Variants in LRTM2 observed in about 807,000 individuals in gnomAD.
LRTM2 encodes the protein leucine-rich repeat and transmembrane domain-containing protein 2.
In LRTM2, 18 loss-of-function variants were observed where a neutral mutation model predicts 28.1. The observed-to-expected ratio is 0.64, with a 90% confidence interval of 0.44 to 0.95. The LOEUF (loss-of-function observed/expected upper bound fraction) is 0.95, where lower values mean the gene tolerates loss of function less well. Among genes scored for constraint, LRTM2 ranks in the 40% least tolerant of loss-of-function variants. The probability of loss-of-function intolerance (pLI) is 0.00; values close to 1 mark genes in which losing one functional copy is unlikely to be tolerated. For synonymous variants in LRTM2, 250 were observed against 218.7 expected (o/e 1.14, Z -1.26); for missense variants, 436 against 497.2 (o/e 0.88, Z 1.17).
At chr12:1,824,747 C>G (rs1001985147) in intron 1 of LRTM2, among the ~76,000 whole-genome samples, 1 of 152,212 alleles carries the variant, frequency 6.6e-6, no homozygotes, top group Non-Finnish European at 1.5e-5. Context: ...TAAGGAGGCT[C>G]CACTCTTCTG....
chr12:1,827,133 C>A (rs1864368808), intron 1 of LRTM2, among the ~76,000 whole-genome samples: 1 of 151,620 alleles, frequency 6.6e-6, no homozygotes, highest in South Asian at 2.1e-4. Context: ...TCCCTCCCTG[C>A]CCATCCCCGC....
At position 1,820,934 on chromosome 12, in the gene LRTM2, A is replaced by C. The variant is rs1353713774; in HGVS notation, c.-259+120A>C. 1 of 152,156 alleles carries C rather than the reference A, an allele frequency of 6.6e-6. No individual in the cohort carries two copies. Among genetic ancestry groups the C allele is most frequent in the African/African-American group, 2.4e-5 (1 of 41,396 alleles). 9.4% of individuals were successfully genotyped at this position (152,156 alleles called of 1,614,324 possible). A position where few individuals can be genotyped will look rare whatever the true frequency, so the allele number is the denominator to read the frequency against. ...GCAGGAATAGCTGCAGTTGCTTCCT[A>C]CCTGCAGGCAATTGCTGGGGCCGAA... is the stretch of plus-strand genomic sequence containing the variant. On this transcript the variant is annotated intron_variant, in intron 1 of 4. Coordinates refer to ENST00000299194, the MANE Select transcript of LRTM2 (RefSeq NM_001039029.3). The surrounding 1 kb of genome is among the most constrained non-coding windows in gnomAD (Gnocchi z 6.0).
rs1270775302 is a variant in LRTM2 at position 1,833,050 on chromosome 12, T to C, written c.659-1217T>C. ...TAGGCCGGGTGTCTTCAGACCCTCC[T>C]CTCCTGTGGTCGCCGGGAACTGAAT... On this transcript the variant is annotated intron_variant, in intron 4 of 4. Transcript: ENST00000299194. The surrounding 1 kb of genome is among the most constrained non-coding windows in gnomAD (Gnocchi z 4.2). Among the ~76,000 whole-genome samples the C allele has an allele frequency of 6.6e-6, 1 of 151,984 alleles. No homozygotes were observed. Among genetic ancestry groups the C allele is most frequent in the African/African-American group, 2.4e-5 (1 of 41,354 alleles).
chr12:1,831,254 G>A lies in LRTM2; in HGVS notation c.387G>A (p.Arg129=). ...TTCAGCTGCGCAATAACAGCATCAG[G>A]ACCCTGGACAGGGACCTGCTGCGGC... ...TELQLRNNSI[R]TLDRDLLRHS... The change falls in exon 4 of 5, where the codon AGG becomes AGA. Residue 129 remains arginine (R), a synonymous_variant. Transcript: ENST00000299194. 1.9e-6 allele frequency: 3 copies of A among 1,613,742 alleles called. No homozygotes were observed. Among genetic ancestry groups the A allele is most frequent in the Non-Finnish European group, 2.5e-6 (3 of 1,180,042 alleles).
intron 1 of LRTM2, among the ~76,000 whole-genome samples, chr12:1,824,346 C>A (rs1864231336): frequency 6.6e-6 from 1 of 152,208 alleles, no homozygotes; most frequent in South Asian, 2.1e-4. Flanking sequence ...CAAGCTAGAC[C>A]AATGCCGCTG....
At chr12:1,824,672 C>T (rs1014621450) in intron 1 of LRTM2, among the ~76,000 whole-genome samples, 1 of 152,232 alleles carries the variant, frequency 6.6e-6, no homozygotes, top group Non-Finnish European at 1.5e-5. Context: ...TTCATTTCAG[C>T]AGCTGTCAGT....
chr12:1,825,223 G>A (rs559287795), intron 1 of LRTM2, among the ~76,000 whole-genome samples: 13 of 152,224 alleles, frequency 8.5e-5, no homozygotes, highest in Admixed American at 3.9e-4. Context: ...CACAGTGTGG[G>A]AGACACTGAG....
At chr12:1,825,427 G>A (rs1864273769) in intron 1 of LRTM2, among the ~76,000 whole-genome samples, 1 of 152,232 alleles carries the variant, frequency 6.6e-6, no homozygotes, top group African/African-American at 2.4e-5. Context: ...CAGAGGAGGT[G>A]TCTTATGGGT....
At chr12:1,821,354 G>T in intron 1 of LRTM2, among the ~76,000 whole-genome samples, 1 of 152,202 alleles carries the variant, frequency 6.6e-6, no homozygotes, top group East Asian at 1.9e-4. Context: ...CTTGCCTGCA[G>T]GTGGCTGTCC....
chr12:1,834,943 T>A lies in LRTM2; in HGVS notation c.*222T>A. ...CTGCTGATGCTCCTGTCTGGGCCAG[T>A]AAATCTTTGGAACATGTGGGGGATC... On this transcript the variant is annotated 3_prime_UTR_variant, in exon 5 of 5. Coordinates refer to ENST00000299194, the MANE Select transcript of LRTM2 (RefSeq NM_001039029.3). This position sits in a 1 kb window ranked among gnomAD's most constrained non-coding sequence, Gnocchi z 7.6. 1 of 799,288 alleles carries A rather than the reference T, an allele frequency of 1.3e-6. No individual in the cohort carries two copies. The highest frequency in any genetic ancestry group is 1.9e-6 in the Non-Finnish European group (1 of 531,512). 49.5% of individuals were successfully genotyped at this position (799,288 alleles called of 1,614,324 possible).
chr12:1,823,433 T>C (rs1029707336), intron 1 of LRTM2, among the ~76,000 whole-genome samples: 1 of 152,106 alleles, frequency 6.6e-6, no homozygotes, highest in Non-Finnish European at 1.5e-5. Flanking sequence ...TGTTCCGTGC[T>C]CTGAGGGGGC....
Position 1,831,107 on chromosome 12 carries a change from G to A in LRTM2, c.240G>A (p.Leu80=), listed in dbSNP as rs1202549926. The A allele has an allele frequency of 6.2e-7, 1 of 1,613,878 alleles. No individual in the cohort carries two copies. The highest frequency in any genetic ancestry group is 1.3e-5 in the African/African-American group (1 of 74,942). ...TRTLLLLNNK[L]SALPSWAFAN... is the part of the protein sequence containing the mutation. ...CCCTCTTGCTCTTGAACAATAAGCT[G>A]AGTGCCCTGCCAAGCTGGGCTTTCG... is the stretch of plus-strand genomic sequence containing the variant. The change falls in exon 4 of 5, where the codon CTG becomes CTA. Residue 80 remains leucine (L), a synonymous_variant. Transcript: ENST00000299194.
rs1482744688 is a variant in LRTM2, at chr12:1,828,377, A to G, written c.67+162A>G. 6.6e-6 allele frequency among the ~76,000 whole-genome samples: 1 copy of G among 152,238 alleles called. No homozygotes were observed. Among genetic ancestry groups the G allele is most frequent in the African/African-American group, 2.4e-5 (1 of 41,468 alleles). ...GGCTATGTTCTGGGAAGCCAGGGTCACGCCCACGGTGACAGCATCCCTGCC... is the reference window on the plus strand; with the variant it reads ...GGCTATGTTCTGGGAAGCCAGGGTCGCGCCCACGGTGACAGCATCCCTGCC... On this transcript the variant is annotated intron_variant, in intron 3 of 4. Coordinates refer to ENST00000299194, the MANE Select transcript of LRTM2 (RefSeq NM_001039029.3). The surrounding 1 kb of genome is among the most constrained non-coding windows in gnomAD (Gnocchi z 4.2).
At chr12:1,822,427 C>T (rs528596435) in intron 1 of LRTM2, among the ~76,000 whole-genome samples, 30 of 152,204 alleles carry the variant, frequency 2.0e-4, no homozygotes, top group African/African-American at 7.2e-4. Flanking sequence ...CCCAGCCAAG[C>T]CTCCTGTGCC....
At chr12:1,830,807 A>T in intron 3 of LRTM2, 128 bp from the exon 4 acceptor site, 2 of 743,538 alleles carry the variant, frequency 2.7e-6, no homozygotes, top group Non-Finnish European at 2.2e-6. Context: ...ACGTTTATGC[A>T]TTGATTGTGG....
At chr12:1,826,309 A>AT (rs1864313045) in intron 1 of LRTM2, among the ~76,000 whole-genome samples, 1 of 150,930 alleles carries the variant, frequency 6.6e-6, no homozygotes, top group Admixed American at 6.6e-5. Context: ...CCAAGCAGGT[A>AT]TTGCGGTCAC....
rs545887406 is a variant in LRTM2 at position 1,829,701 on chromosome 12, C to T, written c.68-1234C>T. Among the ~76,000 whole-genome samples, 35 of 149,018 alleles carry T rather than the reference C, an allele frequency of 2.3e-4. No individual in the cohort carries two copies. The highest frequency in any genetic ancestry group is 3.5e-3 in the Middle Eastern group (1 of 288). Reference sequence around the variant, plus strand: ...CAGCTCACAGCCCATCGGCCCACCCCGACCTGGGACAGCCAGGTCCCAGGT... The same window carrying T: ...CAGCTCACAGCCCATCGGCCCACCCTGACCTGGGACAGCCAGGTCCCAGGT... On this transcript the variant is annotated intron_variant, in intron 3 of 4. Transcript: ENST00000299194. This position sits in a 1 kb window ranked among gnomAD's most constrained non-coding sequence, Gnocchi z 4.2.
chr12:1,829,673 A>C lies in LRTM2; in HGVS notation c.68-1262A>C, dbSNP rs1430077146. Among the ~76,000 whole-genome samples the C allele has an allele frequency of 6.8e-6, 1 of 148,038 alleles. No individual in the cohort carries two copies. Among genetic ancestry groups the C allele is most frequent in the Non-Finnish European group, 1.5e-5 (1 of 66,972 alleles). Reference sequence around the variant, plus strand: ...CTGGACAAGACTCAAGGCTGTTCAGACCCAGCTCACAGCCCATCGGCCCAC... The same window carrying C: ...CTGGACAAGACTCAAGGCTGTTCAGCCCCAGCTCACAGCCCATCGGCCCAC... On this transcript the variant is annotated intron_variant, in intron 3 of 4. Transcript: ENST00000299194. The surrounding 1 kb of genome is among the most constrained non-coding windows in gnomAD (Gnocchi z 4.2).
rs530752035 is a variant in LRTM2 at position 1,834,355 on chromosome 12, C to T, written c.747C>T (p.Tyr249=). 6.2e-6 allele frequency: 10 copies of T among 1,613,156 alleles called. No homozygotes were observed. Among genetic ancestry groups the T allele is most frequent in the Middle Eastern group, 1.7e-4 (1 of 6,060 alleles). ...MRMVPMEMFN[Y]CSQLEDENSS... ...TGGTCCCCATGGAGATGTTCAACTA[C>T]TGCTCCCAGCTGGAGGACGAGAATA... Residue 249 remains tyrosine (Y), a synonymous_variant, in exon 5 of 5, where the codon TAC becomes TAT. Coordinates refer to ENST00000299194, the MANE Select transcript of LRTM2 (RefSeq NM_001039029.3). The surrounding 1 kb of genome is among the most constrained non-coding windows in gnomAD (Gnocchi z 7.6).
Sources: allele counts gnomAD v4.1 joint callset (sites outside exome capture counted in the v4.1 genomes callset), GRCh38; gene constraint gnomAD v4.1.1; non-coding constraint Gnocchi (gnomAD v3.1); transcripts MANE v1.5; gene names NCBI Gene and HGNC (gene_info 2026-07-23, HGNC 2026-07-21).